CSGALNACT1: variants seen among roughly 807,000 people sequenced by gnomAD.
CSGALNACT1 encodes chondroitin sulfate N-acetylgalactosaminyltransferase 1, also known as beta4GalNAcT-1.
In CSGALNACT1, 52 loss-of-function variants were observed where a neutral mutation model predicts 51.0. The observed-to-expected ratio is 1.02, with a 90% CI of 0.82 to 1.29. The LOEUF is 1.29. Ranked by LOEUF, CSGALNACT1 falls within the 50% of genes most tolerant of loss-of-function variation. CSGALNACT1 has a pLI of 0.00. For missense variants in CSGALNACT1, 935 were observed against 679.2 expected, an observed-to-expected ratio of 1.38 and a Z score of -4.19; for synonymous variants, 341 against 254.4, an observed-to-expected ratio of 1.34 and a Z score of -3.24.
chr8:19,473,450 C>A (rs531831127), intron 4 of CSGALNACT1, among the ~76,000 whole-genome samples: 1 of 152,308 alleles, frequency 6.6e-6, no homozygotes, highest in Non-Finnish European at 1.5e-5. Flanking sequence ...TCACAGGGTC[C>A]TTCCCAGACA....
intron 9 of CSGALNACT1, among the ~76,000 whole-genome samples, chr8:19,406,859 T>C (rs1282926089): frequency 6.6e-6 from 1 of 152,126 alleles, no homozygotes; most frequent in Non-Finnish European, 1.5e-5. Context: ...CAGGCACATG[T>C]CACCATGCCT....
intron 4 of CSGALNACT1, among the ~76,000 whole-genome samples, chr8:19,471,777 C>G (rs2068240476): frequency 6.6e-6 from 1 of 152,154 alleles, no homozygotes; most frequent in Non-Finnish European, 1.5e-5. Context: ...TGAGAAAACT[C>G]AACGGAAGAG....
chr8:19,562,721 C>T (rs961421613), intron 3 of CSGALNACT1, among the ~76,000 whole-genome samples: 3 of 152,138 alleles, frequency 2.0e-5, no homozygotes, highest in African/African-American at 7.2e-5. Context: ...AAACCAAAAC[C>T]ACAATGAGAT....
At chr8:19,534,012 A>T (rs1390454454) in intron 3 of CSGALNACT1, among the ~76,000 whole-genome samples, 1 of 152,196 alleles carries the variant, frequency 6.6e-6, no homozygotes, top group African/African-American at 2.4e-5. Context: ...TGAGGTACTC[A>T]GATGCAGAAT....
At chr8:19,651,602 T>A (rs537191752) in intron 1 of CSGALNACT1, among the ~76,000 whole-genome samples, 204 of 151,942 alleles carry the variant, frequency 1.3e-3, no homozygotes, top group African/African-American at 4.7e-3. Flanking sequence ...ATTTTGTTTT[T>A]TTTATGGATG....
intron 1 of CSGALNACT1, among the ~76,000 whole-genome samples, chr8:19,729,362 C>T (rs2063566702): frequency 6.6e-6 from 1 of 152,176 alleles, no homozygotes; most frequent in South Asian, 2.1e-4. Flanking sequence ...GCAACCATTC[C>T]TATGCATGGT....
At chr8:19,713,399 A>C (rs557839739) in intron 1 of CSGALNACT1, among the ~76,000 whole-genome samples, 20 of 152,322 alleles carry the variant, frequency 1.3e-4, no homozygotes, top group Non-Finnish European at 2.2e-4. Flanking sequence ...AAGAGGGATG[A>C]AGACTTAGTA....
At chr8:19,474,859 C>T (rs1239639771) in intron 4 of CSGALNACT1, among the ~76,000 whole-genome samples, 7 of 89,790 alleles carry the variant, frequency 7.8e-5, no homozygotes, top group East Asian at 4.0e-4. Flanking sequence ...AAGAGTGAAA[C>T]TCTGTCTCAG....
chr8:19,501,588 A>T (rs144315425), intron 4 of CSGALNACT1, among the ~76,000 whole-genome samples: 1 of 152,360 alleles, frequency 6.6e-6, no homozygotes, highest in Non-Finnish European at 1.5e-5. Context: ...GGCTGGTGAC[A>T]GAAGAGCAAA....
chr8:19,718,787 T>A (rs2062953627), intron 1 of CSGALNACT1, among the ~76,000 whole-genome samples: 1 of 152,180 alleles, frequency 6.6e-6, no homozygotes, highest in African/African-American at 2.4e-5. Flanking sequence ...CTTATTTGCA[T>A]CCACTCTACC....
At chr8:19,635,520 T>C (rs973197541) in intron 1 of CSGALNACT1, among the ~76,000 whole-genome samples, 3 of 152,216 alleles carry the variant, frequency 2.0e-5, no homozygotes, top group African/African-American at 7.2e-5. Context: ...CGGCTGCTTC[T>C]GTGTCCAACT....
chr8:19,748,348 T>C (rs901592360), intron 1 of CSGALNACT1, among the ~76,000 whole-genome samples: 6 of 152,186 alleles, frequency 3.9e-5, no homozygotes, highest in Non-Finnish European at 7.3e-5. Flanking sequence ...CACCTTATCA[T>C]AGCGACAGGT....
chr8:19,595,638 A>T (rs2048719585), intron 2 of CSGALNACT1, among the ~76,000 whole-genome samples: 1 of 152,038 alleles, frequency 6.6e-6, no homozygotes, highest in African/African-American at 2.4e-5. Flanking sequence ...AAATCTGGCC[A>T]GACATGGTGG....
intron 1 of CSGALNACT1, among the ~76,000 whole-genome samples, chr8:19,635,802 AT>A (rs1360745239): frequency 6.6e-6 from 1 of 152,092 alleles, no homozygotes; most frequent in Non-Finnish European, 1.5e-5. Context: ...ATCTCCGTTC[AT>A]TGCAACCTCT....
intron 6 of CSGALNACT1, among the ~76,000 whole-genome samples, chr8:19,433,273 A>G (rs1383690702): frequency 1.3e-5 from 2 of 152,178 alleles, no homozygotes; most frequent in African/African-American, 2.4e-5. Context: ...CAGCCAGGCA[A>G]TCAATGCCTT....
Position 19,691,427 on chromosome 8 carries a change from CAAACA to C in CSGALNACT1, c.-297+66418_-297+66422del, listed in dbSNP as rs1022035310. ...TCAAACAGGGCCCAATTTCTTAAAACAAACAAAACAAAACAAAAACAAACACCAAT... is the reference window on the plus strand; with the variant it reads ...TCAAACAGGGCCCAATTTCTTAAAACAAACAAAACAAAAACAAACACCAAT... On this transcript the variant is annotated intron_variant, in intron 1 of 1. Transcript: ENST00000517494. Among the ~76,000 whole-genome samples, 138 of 152,256 alleles carry C rather than the reference CAAACA, an allele frequency of 9.1e-4. 2 individuals are homozygous for C. The highest frequency in any genetic ancestry group is 6.8e-3 in the Middle Eastern group (2 of 294).
At chr8:19,407,073 C>T (rs1168286547) in intron 9 of CSGALNACT1, among the ~76,000 whole-genome samples, 1 of 152,156 alleles carries the variant, frequency 6.6e-6, no homozygotes, top group Non-Finnish European at 1.5e-5. Context: ...GAATATTTCT[C>T]TCAGAGATGT....
chr8:19,524,684 T>C (rs933573129), intron 3 of CSGALNACT1, among the ~76,000 whole-genome samples: 4 of 152,162 alleles, frequency 2.6e-5, no homozygotes, highest in African/African-American at 9.7e-5. Context: ...TTAATAAACA[T>C]TGCTTATCCC....
chr8:19,423,338 A>C (rs1041089974), intron 6 of CSGALNACT1, among the ~76,000 whole-genome samples: 2 of 152,272 alleles, frequency 1.3e-5, no homozygotes, highest in Admixed American at 1.3e-4. Context: ...CTGAGGAAAC[A>C]GCATGAAAGA....
Sources: gnomAD v4.1 joint callset for allele counts (sites outside exome capture counted in the v4.1 genomes callset) on GRCh38, gnomAD v4.1.1 for gene constraint, MANE v1.5 for transcripts, NCBI Gene and HGNC (gene_info 2026-07-23, HGNC 2026-07-21) for gene names.